PUS7L: variants seen among roughly 807,000 people sequenced by gnomAD.
PUS7L encodes the protein pseudouridylate synthase PUS7L.
Under a neutral mutation model 51.1 loss-of-function variants are expected in PUS7L, and 49 were observed. The ratio of observed to expected loss-of-function variants is 0.96; its 90% confidence interval spans 0.76 to 1.22. The LOEUF (loss-of-function observed/expected upper bound fraction) is 1.22, where lower values mean the gene tolerates loss of function less well. Among genes scored for constraint, PUS7L ranks in the 50% most tolerant of loss-of-function variants. The pLI, the probability that PUS7L is intolerant of heterozygous loss-of-function variation, is 0.00. For synonymous variants in PUS7L, 277 were observed against 276.2 expected, an observed-to-expected ratio of 1.00 and a Z score of -0.03; for missense variants, 828 against 820.6, an observed-to-expected ratio of 1.01 and a Z score of -0.11.
chr12:43,758,652 T>TGGGGGGG, intron 1 of PUS7L, 78 bp downstream of exon 1: 21 of 708,074 alleles, frequency 3.0e-5, no homozygotes, highest in South Asian at 7.5e-5. Context: ...GCCAACCTCG[T>TGGGGGGG]CACCCCCCCC....
intron 4 of PUS7L, among the ~76,000 whole-genome samples, chr12:43,745,090 C>T (rs996674952): frequency 6.6e-6 from 1 of 151,774 alleles, no homozygotes; most frequent in African/African-American, 2.4e-5. Flanking sequence ...CATACAATGG[C>T]AGTAGATTAG....
At position 43,757,332 on chromosome 12, in the gene PUS7L, G is replaced by A. The variant is rs188301496; in HGVS notation, c.-17+1398C>T. Among the ~76,000 whole-genome samples, 14 of 151,394 alleles carry A rather than the reference G, an allele frequency of 9.2e-5. No homozygotes were observed. The East Asian group carries it at 1.6e-3, about 17-fold the overall frequency. On this transcript the variant is annotated intron_variant, in intron 1 of 8. Transcript: ENST00000344862. ...ACCACAGGGGCGCGCCACCACGCCC[G>A]GCTAATTCTTGTATTTTTTTAGTAG... is the stretch of plus-strand genomic sequence containing the variant.
In PUS7L at chr12:43,721,589, A is replaced by G. The variant is rs927977318; in HGVS notation, c.*8787T>C. On this transcript the variant is annotated 3_prime_UTR_variant, in exon 9 of 9. Coordinates refer to ENST00000344862, the MANE Select transcript of PUS7L (RefSeq NM_031292.5). The stretch of plus-strand genomic sequence containing the variant: ...ATAGGTGCCAGAGGTATAAAGATCA[A>G]TGCTCTTGAATAATTCACAGTAGAT... 1 of 152,196 alleles carries G rather than the reference A, an allele frequency of 6.6e-6. No homozygotes were observed. The highest frequency in any genetic ancestry group is 1.5e-5 in the Non-Finnish European group (1 of 68,016). The allele number at this position is 152,196 out of a possible 1,614,324, so 9.4% of individuals were successfully genotyped here.
At chr12:43,734,435 C>T (rs1944634445) in intron 7 of PUS7L, among the ~76,000 whole-genome samples, 1 of 152,180 alleles carries the variant, frequency 6.6e-6, no homozygotes, top group African/African-American at 2.4e-5. Context: ...CAATCATGGG[C>T]TTTCAGTTAT....
intron 1 of PUS7L, among the ~76,000 whole-genome samples, chr12:43,755,773 T>C (rs886148790): frequency 1.2e-4 from 18 of 152,070 alleles, no homozygotes; most frequent in African/African-American, 3.9e-4. Context: ...AAATACAAAT[T>C]TGTGATTTGA....
At chr12:43,730,999 C>T (rs1032291640) in intron 8 of PUS7L, among the ~76,000 whole-genome samples, 2 of 152,104 alleles carry the variant, frequency 1.3e-5, no homozygotes, top group African/African-American at 4.8e-5. Flanking sequence ...CTGATAAAGA[C>T]TTAATCTGTA....
intron 7 of PUS7L, among the ~76,000 whole-genome samples, 166 bp downstream of exon 7, chr12:43,736,215 A>C (rs1470914122): frequency 6.6e-6 from 1 of 152,204 alleles, no homozygotes; most frequent in Admixed American, 6.5e-5. Context: ...ACATGTGTTA[A>C]GCCTAAACTG....
chr12:43,749,825 T>C (rs1938356908), intron 2 of PUS7L, among the ~76,000 whole-genome samples: 1 of 152,120 alleles, frequency 6.6e-6, no homozygotes. Context: ...TTCTCACTTA[T>C]AAGTAGGAGC....
intron 1 of PUS7L, 55 bp from the exon 2 acceptor site, chr12:43,755,316 C>T: frequency 9.4e-7 from 1 of 1,068,854 alleles, no homozygotes; most frequent in South Asian, 1.7e-5. Flanking sequence ...TTATGGATGA[C>T]CAAATAGGAA....
chr12:43,758,388 G>A, intron 1 of PUS7L: 2 of 985,542 alleles, frequency 2.0e-6, no homozygotes, highest in Non-Finnish European at 2.4e-6. Flanking sequence ...TAGTTTGCTT[G>A]GCCCGTGGTT....
chr12:43,738,072 C>T, intron 6 of PUS7L: 1 of 358,680 alleles, frequency 2.8e-6, no homozygotes, highest in South Asian at 6.3e-5. Flanking sequence ...AACTAAGAAA[C>T]TATTTCTCCC....
Position 43,726,805 on chromosome 12 carries a change from G to A in PUS7L, c.*3571C>T, listed in dbSNP as rs1002524910. 2.6e-5 allele frequency: 4 copies of A among 151,724 alleles called. No homozygotes were observed. Among genetic ancestry groups the A allele is most frequent in the African/African-American group, 9.7e-5 (4 of 41,240 alleles). 9.4% of individuals were successfully genotyped at this position (151,724 alleles called of 1,614,324 possible). On this transcript the variant is annotated 3_prime_UTR_variant, in exon 9 of 9. Transcript: ENST00000344862. Reference sequence around the variant, plus strand: ...ATTGCACCACTGCACTCCAGCCTGGGTGACAGAAGGAAACTCCATCTAAAA... The same window carrying A: ...ATTGCACCACTGCACTCCAGCCTGGATGACAGAAGGAAACTCCATCTAAAA...
intron 2 of PUS7L, among the ~76,000 whole-genome samples, chr12:43,754,030 T>G (rs1938575982): frequency 6.6e-6 from 1 of 152,182 alleles, no homozygotes; most frequent in Non-Finnish European, 1.5e-5. Flanking sequence ...TCAATAAAAC[T>G]TATTAAACAC....
At chr12:43,751,768 G>A (rs1330786052) in intron 2 of PUS7L, among the ~76,000 whole-genome samples, 1 of 152,150 alleles carries the variant, frequency 6.6e-6, no homozygotes. Flanking sequence ...CTGAGGAATT[G>A]CCACACTGTC....
At chr12:43,745,938 A>C (rs1938146109) in intron 4 of PUS7L, 108 bp downstream of exon 4, 1 of 554,546 alleles carries the variant, frequency 1.8e-6, no homozygotes, top group Admixed American at 4.0e-5. Context: ...ACTTTTAAAA[A>C]TCCCATAAAA....
intron 3 of PUS7L, among the ~76,000 whole-genome samples, chr12:43,747,850 A>G (rs1038943759): frequency 2.0e-5 from 3 of 152,286 alleles, no homozygotes; most frequent in Admixed American, 6.5e-5. Flanking sequence ...GTGCAGTTGC[A>G]TGATCCCTGC....
At chr12:43,736,729 T>C in intron 6 of PUS7L, 68 bp from the exon 7 acceptor site, 1 of 1,432,106 alleles carries the variant, frequency 7.0e-7, no homozygotes, top group East Asian at 2.3e-5. Flanking sequence ...AAGGCTTTTG[T>C]TCTAATCTCA....
intron 5 of PUS7L, chr12:43,741,208 A>G (rs1325149550): frequency 6.6e-6 from 1 of 152,234 alleles, no homozygotes; most frequent in African/African-American, 2.4e-5. Context: ...CTTAAATGTT[A>G]TGAGAAACAG....
chr12:43,731,803 C>G (rs372891013), intron 7 of PUS7L, 45 bp from the exon 8 acceptor site: 460 of 1,176,396 alleles, frequency 3.9e-4, no homozygotes, highest in Non-Finnish European at 5.1e-4. Flanking sequence ...CCAAATGTTC[C>G]AAATTTCCAC....
Sources: gnomAD v4.1 joint callset for allele counts (sites outside exome capture counted in the v4.1 genomes callset) on GRCh38, gnomAD v4.1.1 for gene constraint, MANE v1.5 for transcripts, NCBI Gene and HGNC (gene_info 2026-07-23, HGNC 2026-07-21) for gene names.